The following FXYD1 variants were observed in gnomAD, a reference collection of about 807,000 sequenced individuals.
FXYD1 encodes the protein phospholemman.
A neutral mutation model predicts 17.2 loss-of-function variants in FXYD1; 9 were observed. The observed-to-expected ratio is 0.52, with a 90% CI of 0.32 to 0.91. The LOEUF is 0.91. FXYD1 is among the 40% of genes least tolerant of loss of function. The pLI is 0.04. For synonymous variants in FXYD1, 55 were observed against 45.8 expected (o/e 1.20, Z -0.81); for missense variants, 113 against 120.6 (o/e 0.94, Z 0.29).
intron 2 of FXYD1, 85 bp downstream of exon 2, chr19:35,140,225 C>A (rs990494935): frequency 4.9e-6 from 4 of 820,404 alleles, no homozygotes; most frequent in Non-Finnish European, 8.6e-6. Context: ...AGACCCCAAC[C>A]TAGACTAAGT....
Position 35,139,261 on chromosome 19 carries a change from CTGTGTGTG to C in FXYD1, c.-5+401_-5+408del, listed in dbSNP as rs56256016. ...GTTGTTCATGTCCATTCCGGCCCCA[CTGTGTGTG>C]TGTGTGTGTGTGTGTGTGTGTGTGT... On this transcript the variant is annotated intron_variant, in intron 1 of 7. Coordinates refer to ENST00000351325, the MANE Select transcript of FXYD1 (RefSeq NM_021902.4). The C allele has an allele frequency of 1.9e-3, 275 of 146,398 alleles. 2 individuals are homozygous for C. Among genetic ancestry groups the C allele is most frequent in the East Asian group, 0.019 (91 of 4,848 alleles). The allele number at this position is 146,398 out of a possible 1,614,324, so 9.1% of individuals were successfully genotyped here. A position where few individuals can be genotyped will look rare whatever the true frequency, so the allele number is the denominator to read the frequency against.
rs2065272391 is a variant in FXYD1 at position 35,143,051 on chromosome 19, C to T, written c.*164C>T. On this transcript the variant is annotated 3_prime_UTR_variant, in exon 8 of 8. Transcript: ENST00000351325. The surrounding 1 kb of genome is among the most constrained non-coding windows in gnomAD (Gnocchi z 4.3). ...CCAATAAAACGTGCGTTCCTCTCGA[C>T]AGCACTTTGTCGGTCTCGGTCCCTC... 1.4e-5 allele frequency: 8 copies of T among 562,142 alleles called. No homozygotes were observed. Among genetic ancestry groups the T allele is most frequent in the Middle Eastern group, 4.7e-4 (1 of 2,126 alleles). 34.8% of individuals were successfully genotyped at this position (562,142 alleles called of 1,614,324 possible). A position where few individuals can be genotyped will look rare whatever the true frequency, so the allele number is the denominator to read the frequency against.
At chr19:35,139,197 C>A (rs1048909099) in intron 1 of FXYD1, 1 of 152,732 alleles carries the variant, frequency 6.5e-6, no homozygotes, top group Admixed American at 6.5e-5. Context: ...GGTGTTTACA[C>A]CCCACGTCCT....
At chr19:35,141,054 C>T in intron 3 of FXYD1, 78 bp from the exon 4 acceptor site, 2 of 866,194 alleles carry the variant, frequency 2.3e-6, no homozygotes, top group Non-Finnish European at 3.9e-6. Context: ...CTCCCTGTTC[C>T]CTCCTTCCCA....
At position 35,142,703 on chromosome 19, in the gene FXYD1, C is replaced by T. The variant is rs1321892612; in HGVS notation, c.257-17C>T. Reference sequence around the variant, plus strand: ...ATGCCTCTCCAGAATGACCCCCGATCTCCGTGTTCCCCCCAGGTCTGTCCA... The same window carrying T: ...ATGCCTCTCCAGAATGACCCCCGATTTCCGTGTTCCCCCCAGGTCTGTCCA... On this transcript the variant is annotated splice_polypyrimidine_tract_variant and intron_variant, in intron 6 of 7. Transcript: ENST00000351325. The T allele has an allele frequency of 1.9e-6, 3 of 1,613,462 alleles. No homozygotes were observed. The South Asian group carries it at 3.3e-5, about 18-fold the overall frequency.
rs1378517624 is a variant in FXYD1 at position 35,141,148 on chromosome 19, GATCGGAGGCCTCGTC to G, written c.116_130del (p.Gly39_Ile43del). On this transcript the variant is annotated inframe_deletion, in exon 4 of 8. Coordinates refer to ENST00000351325, the MANE Select transcript of FXYD1 (RefSeq NM_021902.4). ...TGCTCACAGACTACCAGTCCCTGCAGATCGGAGGCCTCGTCATCGCCGGGATCCTCTTCATCCTGG... is the reference window on the plus strand; with the variant it reads ...TGCTCACAGACTACCAGTCCCTGCAGATCGCCGGGATCCTCTTCATCCTGG... 1 of 1,609,232 alleles carries G rather than the reference GATCGGAGGCCTCGTC, an allele frequency of 6.2e-7. No individual in the cohort carries two copies. Among genetic ancestry groups the G allele is most frequent in the Admixed American group, 1.7e-5 (1 of 59,966 alleles).
In FXYD1 at chr19:35,140,120, T is replaced by C. The variant is rs1467614597; in HGVS notation, c.41T>C (p.Leu14Pro). The C allele has an allele frequency of 6.3e-7, 1 of 1,597,596 alleles. No individual in the cohort carries two copies. The highest frequency in any genetic ancestry group is 8.6e-7 in the Non-Finnish European group (1 of 1,164,968). The change falls in exon 2 of 8, where the codon CTC becomes CCC. Residue 14 changes from leucine to proline, a missense_variant. Coordinates refer to ENST00000351325, the MANE Select transcript of FXYD1 (RefSeq NM_021902.4). The part of the protein sequence containing the change: ...LGHILVFCVG[L>P]LTMAKAESPK... Reference sequence around the variant, plus strand: ...CACATCTTGGTTTTCTGTGTGGGTCTCCTCACCATGGCCAAGGCAGGTGAG... The same window carrying C: ...CACATCTTGGTTTTCTGTGTGGGTCCCCTCACCATGGCCAAGGCAGGTGAG...
rs750584773 is a variant in FXYD1, at chr19:35,142,488, G to A, written c.223G>A (p.Glu75Lys). The A allele has an allele frequency of 5.7e-5, 92 of 1,612,792 alleles. No homozygotes were observed. The highest frequency in any genetic ancestry group is 7.5e-5 in the Non-Finnish European group (88 of 1,179,208). Residue 75 changes from glutamate (E) to lysine (K), a missense_variant, in exon 6 of 8, where the codon GAA becomes AAA. Glu to Lys is a moderately conservative substitution (Grantham distance 56). Coordinates refer to ENST00000351325, the MANE Select transcript of FXYD1 (RefSeq NM_021902.4). Reference protein sequence around the residue: ...NQQQRTGEPDEEEGTFRSSIR... With the variant: ...NQQQRTGEPDKEEGTFRSSIR... ...TCTTCCCAGGACTGGGGAACCCGAT[G>A]AAGAGGAGGGAACTTTCCGCAGCTC...
chr19:35,141,388 C>T (rs1054367040), intron 4 of FXYD1, 148 bp from the exon 5 acceptor site: 162 of 717,842 alleles, frequency 2.3e-4, no homozygotes, highest in Middle Eastern at 7.6e-4. Flanking sequence ...CCCGCCTACC[C>T]TGCCTTGGTT....
intron 5 of FXYD1, 95 bp downstream of exon 5, chr19:35,141,667 C>G: frequency 2.0e-6 from 2 of 1,000,142 alleles, no homozygotes; most frequent in Non-Finnish European, 3.1e-6. Flanking sequence ...GCCCGATCCC[C>G]GTCAGCGACT....
At chr19:35,140,255 T>C in intron 2 of FXYD1, 115 bp downstream of exon 2, 1 of 723,096 alleles carries the variant, frequency 1.4e-6, no homozygotes, top group Non-Finnish European at 2.5e-6. Flanking sequence ...TACCAAGAAG[T>C]TTGGGGGTCT....
intron 1 of FXYD1, 49 bp from the exon 2 acceptor site, chr19:35,140,027 T>C (rs2065236676): frequency 6.5e-7 from 1 of 1,548,532 alleles, no homozygotes; most frequent in Non-Finnish European, 8.9e-7. Context: ...TCAAGCCCTA[T>C]GTGGGAGAGC....
chr19:35,139,730 G>A (rs2065233101), intron 1 of FXYD1: 1 of 290,558 alleles, frequency 3.4e-6, no homozygotes, highest in African/African-American at 2.2e-5. Context: ...CTCCTGCTCT[G>A]TGTTTGTGTG....
intron 5 of FXYD1, among the ~76,000 whole-genome samples, chr19:35,142,111 C>T (rs567843168): frequency 2.0e-5 from 3 of 152,186 alleles, no homozygotes; most frequent in Non-Finnish European, 4.4e-5. Flanking sequence ...AACTAAGGCA[C>T]AGGGAGGTAA....
At chr19:35,140,371 G>A (rs1346110095) in intron 2 of FXYD1, among the ~76,000 whole-genome samples, 1 of 152,072 alleles carries the variant, frequency 6.6e-6, no homozygotes, top group African/African-American at 2.4e-5. Flanking sequence ...GGGATAACTG[G>A]GTCACAGACA....
In FXYD1 at chr19:35,142,939, T is replaced by A; in HGVS notation, c.*52T>A. The stretch of plus-strand genomic sequence containing the variant: ...CAGGACTCCCCTGGCACCTGACATC[T>A]CCCACGCTCCACCTGCGCGCCCACC... On this transcript the variant is annotated 3_prime_UTR_variant, in exon 8 of 8. Transcript: ENST00000351325. The A allele has an allele frequency of 1.7e-6, 1 of 602,344 alleles. No homozygotes were observed. The highest frequency in any genetic ancestry group is 3.0e-6 in the Non-Finnish European group (1 of 336,344). The allele number at this position is 602,344 out of a possible 1,614,324, so 37.3% of individuals were successfully genotyped here. A position where few individuals can be genotyped will look rare whatever the true frequency, so the allele number is the denominator to read the frequency against.
At chr19:35,142,376 C>T in intron 5 of FXYD1, 96 bp from the exon 6 acceptor site, 3 of 946,580 alleles carry the variant, frequency 3.2e-6, no homozygotes, top group Non-Finnish European at 4.9e-6. Flanking sequence ...GGCCTAGTTA[C>T]ACCAATCTGG....
upstream of FXYD1, chr19:35,138,087 C>CCA: frequency 6.6e-6 from 1 of 152,028 alleles, no homozygotes; most frequent in Non-Finnish European, 1.5e-5. Flanking sequence ...TTGACTGTAT[C>CCA]TCTGTGTGGC....
chr19:35,142,753 A>G lies in FXYD1; in HGVS notation c.*11A>G, dbSNP rs1004874934. 6 of 1,612,090 alleles carry G rather than the reference A, an allele frequency of 3.7e-6. No homozygotes were observed. The African/African-American group carries it at 8.0e-5, about 22-fold the overall frequency. On this transcript the variant is annotated 3_prime_UTR_variant, in exon 7 of 8. Transcript: ENST00000351325. ...ACCCGCAGGCGGTAGAAACACCTGG[A>G]GCGATGGAATCCGGCCAGGTGCTGC...
Sources: gnomAD v4.1 joint callset for allele counts (sites outside exome capture counted in the v4.1 genomes callset) on GRCh38, gnomAD v4.1.1 for gene constraint, Gnocchi (gnomAD v3.1) non-coding constraint, MANE v1.5 for transcripts, NCBI Gene and HGNC (gene_info 2026-07-23, HGNC 2026-07-21) for gene names.